Variants in FAM90A10 observed in about 807,000 individuals in gnomAD.
FAM90A10 encodes the protein family with sequence similarity 90 member A10.
At chr8:7,769,639 AC>A in the FAM90A10 span, 2 of 709,082 alleles carry the variant, frequency 2.8e-6, no homozygotes, top group Non-Finnish European at 4.1e-6. Flanking sequence ...GGCCAGAAGT[AC>A]CACGTGCCCC....
At chr8:7,770,368 T>C in the FAM90A10 span, 4 of 120,054 alleles carry the variant, frequency 3.3e-5, 1 homozygote, top group Non-Finnish European at 5.4e-5. Flanking sequence ...AGGGTGAGTG[T>C]CACCCCGGGC....
the FAM90A10 span, among the ~76,000 whole-genome samples, chr8:7,769,395 T>A: frequency 9.2e-6 from 1 of 109,032 alleles, no homozygotes; most frequent in Non-Finnish European, 1.9e-5. Flanking sequence ...AGTCCTTCCT[T>A]TCAGAGTTCC....
the FAM90A10 span, among the ~76,000 whole-genome samples, chr8:7,770,538 C>T: frequency 6.5e-5 from 4 of 61,186 alleles, 2 homozygotes. Flanking sequence ...TCTGAACATG[C>T]CGTATTTCCT....
At chr8:7,770,519 G>T in the FAM90A10 span, among the ~76,000 whole-genome samples, 1 of 59,906 alleles carries the variant, frequency 1.7e-5, no homozygotes, top group Non-Finnish European at 3.0e-5. Flanking sequence ...TGGATTCCAG[G>T]CGAAGGCATC....
chr8:7,769,617 C>G, the FAM90A10 span: 4 of 617,312 alleles, frequency 6.5e-6, 1 homozygote, highest in Admixed American at 1.1e-4. Context: ...ACTGCGGGGC[C>G]TTTGGCCACA....
chr8:7,770,335 C>A, the FAM90A10 span: 6 of 137,022 alleles, frequency 4.4e-5, no homozygotes, highest in Admixed American at 8.4e-4. Flanking sequence ...GGAAAAGGAT[C>A]CACGGAATCT....
At chr8:7,769,439 T>C in the FAM90A10 span, among the ~76,000 whole-genome samples, 2 of 110,420 alleles carry the variant, frequency 1.8e-5, no homozygotes, top group African/African-American at 6.6e-5. Context: ...GAACATCGTA[T>C]CCGAACTCTC....
At chr8:7,770,447 T>C in the FAM90A10 span, 1 of 149,260 alleles carries the variant, frequency 6.7e-6, no homozygotes. Context: ...TGGGAGGAAA[T>C]CGGGGAACCC....
At chr8:7,769,681 G>C in the FAM90A10 span, 2 of 554,914 alleles carry the variant, frequency 3.6e-6, 1 homozygote, top group Non-Finnish European at 5.8e-6. Context: ...CCTGGTTCCA[G>C]CGACCTTGGG....
chr8:7,770,492 A>T, the FAM90A10 span: 3 of 182,842 alleles, frequency 1.6e-5, 1 homozygote, highest in African/African-American at 2.0e-4. Context: ...GGGACTCCAC[A>T]ATCCTTCCAG....
At chr8:7,769,393 C>T in the FAM90A10 span, among the ~76,000 whole-genome samples, 1 of 109,042 alleles carries the variant, frequency 9.2e-6, no homozygotes, top group African/African-American at 3.3e-5. Context: ...TGAGTCCTTC[C>T]TTTCAGAGTT....
At chr8:7,771,632 C>A in the FAM90A10 span, 1 of 604,260 alleles carries the variant, frequency 1.7e-6, no homozygotes, top group South Asian at 1.7e-5. Flanking sequence ...TACGTCGCCC[C>A]AGATGGGCAG....
chr8:7,769,427 G>A, the FAM90A10 span, among the ~76,000 whole-genome samples: 74 of 110,616 alleles, frequency 6.7e-4, no homozygotes, highest in African/African-American at 2.2e-3. Context: ...GGCTTTGCGA[G>A]GGAACATCGT....
At chr8:7,769,698 G>C in the FAM90A10 span, 1 of 521,914 alleles carries the variant, frequency 1.9e-6, no homozygotes, top group South Asian at 2.2e-5. Flanking sequence ...TGGGGAAAAA[G>C]GAAGGGAAGG....
the FAM90A10 span, among the ~76,000 whole-genome samples, chr8:7,769,417 G>T: frequency 2.7e-5 from 3 of 111,712 alleles, 1 homozygote; most frequent in Non-Finnish European, 5.6e-5. Flanking sequence ...CCGTCACAAG[G>T]GCTTTGCGAG....
At chr8:7,769,514 C>A in the FAM90A10 span, 2 of 353,674 alleles carry the variant, frequency 5.7e-6, no homozygotes, top group Admixed American at 5.5e-5. Flanking sequence ...TCTGAATTCA[C>A]AATCCGTCCC....
At chr8:7,770,475 G>T in the FAM90A10 span, 1 of 174,740 alleles carries the variant, frequency 5.7e-6, no homozygotes, top group African/African-American at 7.0e-5. Flanking sequence ...TTGCCTTCTT[G>T]GGGTCAGGGA....
At chr8:7,770,564 T>C in the FAM90A10 span, among the ~76,000 whole-genome samples, 2 of 56,630 alleles carry the variant, frequency 3.5e-5, 1 homozygote, top group Non-Finnish European at 6.4e-5. Flanking sequence ...TTTCTTTCTG[T>C]CCAATTATGG....
At chr8:7,769,642 A>T in the FAM90A10 span, 1,142 of 706,154 alleles carry the variant, frequency 1.6e-3, 296 homozygotes, top group Middle Eastern at 0.011. Flanking sequence ...CAGAAGTACC[A>T]CGTGCCCCAT....
Sources: allele counts gnomAD v4.1 joint callset (sites outside exome capture counted in the v4.1 genomes callset), GRCh38; gene constraint gnomAD v4.1.1; transcripts MANE v1.5; gene names NCBI Gene and HGNC (gene_info 2026-07-23, HGNC 2026-07-21).